Variants in AMDHD1 observed in about 807,000 individuals in gnomAD.
AMDHD1 encodes amidohydrolase domain containing 1, also known as probable imidazolonepropionase.
Under a neutral mutation model 44.1 loss-of-function variants are expected in AMDHD1, and 45 were observed. That is an observed-to-expected ratio of 1.02 (90% CI 0.80 to 1.31). The LOEUF is 1.31. Ranked by LOEUF, AMDHD1 falls within the 50% of genes most tolerant of loss-of-function variation. The pLI is 0.00. For missense variants in AMDHD1, 586 were observed against 552.1 expected (o/e 1.06, Z -0.61); for synonymous variants, 206 against 205.0 (o/e 1.00, Z -0.04).
chr12:95,967,138 T>G (rs1476134633), intron 8 of AMDHD1, among the ~76,000 whole-genome samples: 1 of 152,218 alleles, frequency 6.6e-6, no homozygotes, highest in Non-Finnish European at 1.5e-5. Flanking sequence ...ATGTCTTAAA[T>G]GGCAGCAGTC....
intron 1 of AMDHD1, among the ~76,000 whole-genome samples, chr12:95,947,728 C>T (rs2080503743): frequency 1.6e-5 from 1 of 64,388 alleles, no homozygotes; most frequent in Admixed American, 1.5e-4. Context: ...GGTCAGCCCC[C>T]CCACCCGGCC....
At position 95,966,446 on chromosome 12, in the gene AMDHD1, T is replaced by TCA. The variant is rs778433337; in HGVS notation, c.1139_1140dup (p.Gly381ThrfsTer23). On this transcript the variant is annotated frameshift_variant, in exon 8 of 9. Coordinates refer to ENST00000266736, the MANE Select transcript of AMDHD1 (RefSeq NM_152435.3). LOFTEE classifies it high-confidence loss of function. ...ATGCAGCTTATGCACTGGGAAAGTC[T>TCA]CACACACACGGATCGTTGGAAGTTG... 31 of 1,614,246 alleles carry TCA rather than the reference T, an allele frequency of 1.9e-5. No homozygotes were observed. The East Asian group carries it at 6.5e-4, about 34-fold the overall frequency.
chr12:95,967,881 T>C lies in AMDHD1; in HGVS notation c.*38T>C. ...GAGAAGACTTTTTGACTATATGAAA[T>C]AAGTCAATATAGTTATATTAAAAGT... is the stretch of plus-strand genomic sequence containing the variant. On this transcript the variant is annotated 3_prime_UTR_variant, in exon 9 of 9. Coordinates refer to ENST00000266736, the MANE Select transcript of AMDHD1 (RefSeq NM_152435.3). 1 of 1,290,730 alleles carries C rather than the reference T, an allele frequency of 7.7e-7. No homozygotes were observed. Among genetic ancestry groups the C allele is most frequent in the South Asian group, 1.4e-5 (1 of 73,906 alleles). 80.0% of individuals were successfully genotyped at this position (1,290,730 alleles called of 1,614,324 possible). A position where few individuals can be genotyped will look rare whatever the true frequency, so the allele number is the denominator to read the frequency against.
intron 1 of AMDHD1, among the ~76,000 whole-genome samples, chr12:95,950,979 T>C (rs1244532245): frequency 1.3e-5 from 2 of 152,222 alleles, no homozygotes; most frequent in East Asian, 1.9e-4. Context: ...TACATATATA[T>C]GGGGTACATG....
intron 5 of AMDHD1, among the ~76,000 whole-genome samples, chr12:95,961,694 T>C (rs1316541562): frequency 6.6e-6 from 1 of 152,240 alleles, no homozygotes; most frequent in African/African-American, 2.4e-5. Context: ...GACTGCTGCC[T>C]CTCCCTCACC....
At chr12:95,964,927 G>GAAAAAAAAAAA (rs2080601230) in intron 6 of AMDHD1, among the ~76,000 whole-genome samples, 1 of 9,696 alleles carries the variant, frequency 1.0e-4, no homozygotes, top group Non-Finnish European at 1.7e-4. Context: ...GATGTTTGAG[G>GAAAAAAAAAAA]CAAAAAAAAA....
At chr12:95,950,935 G>A (rs1283152349) in intron 1 of AMDHD1, among the ~76,000 whole-genome samples, 3 of 152,120 alleles carry the variant, frequency 2.0e-5, no homozygotes, top group Non-Finnish European at 2.9e-5. Context: ...TATATTTGAC[G>A]TTTAAAGTTT....
At chr12:95,951,665 C>A (rs2080526242) in intron 1 of AMDHD1, among the ~76,000 whole-genome samples, 1 of 152,138 alleles carries the variant, frequency 6.6e-6, no homozygotes, top group South Asian at 2.1e-4. Context: ...AACTTTCATA[C>A]TCTCCATAGT....
chr12:95,949,140 T>TAAAAAAAAAAAAAAAAAAATA (rs1170844527), intron 1 of AMDHD1, among the ~76,000 whole-genome samples: 3 of 4,444 alleles, frequency 6.8e-4, no homozygotes, highest in African/African-American at 1.8e-3. Flanking sequence ...AAAAATAAAT[T>TAAAAAAAAAAAAAAAAAAATA]AAAAAAAAAA....
At chr12:95,957,764 G>A (rs187050167) in intron 4 of AMDHD1, among the ~76,000 whole-genome samples, 2 of 152,168 alleles carry the variant, frequency 1.3e-5, no homozygotes, top group East Asian at 1.9e-4. Context: ...TATAAATTCC[G>A]TTTTTAGGCC....
chr12:95,967,907 TA>T lies in AMDHD1; in HGVS notation c.*68del, dbSNP rs2080620448. On this transcript the variant is annotated 3_prime_UTR_variant, in exon 9 of 9. Coordinates refer to ENST00000266736, the MANE Select transcript of AMDHD1 (RefSeq NM_152435.3). The stretch of plus-strand genomic sequence containing the variant: ...AAGTCAATATAGTTATATTAAAAGT[TA>T]AAACACCTTAATATTTACAAGAATT... The T allele has an allele frequency of 9.7e-7, 1 of 1,034,222 alleles. No individual in the cohort carries two copies. The highest frequency in any genetic ancestry group is 1.7e-5 in the African/African-American group (1 of 60,186). 64.1% of individuals were successfully genotyped at this position (1,034,222 alleles called of 1,614,324 possible).
chr12:95,961,423 T>C (rs1295989820), intron 5 of AMDHD1, among the ~76,000 whole-genome samples: 6 of 152,176 alleles, frequency 3.9e-5, no homozygotes, highest in African/African-American at 1.4e-4. Flanking sequence ...CCAGGCACTG[T>C]TTTAGGCATT....
intron 1 of AMDHD1, among the ~76,000 whole-genome samples, chr12:95,948,008 C>A (rs1373400525): frequency 4.6e-5 from 5 of 107,894 alleles, no homozygotes; most frequent in African/African-American, 1.9e-4. Flanking sequence ...GCCCCCCGCC[C>A]GGCCAGCCGC....
At chr12:95,967,656 G>T in intron 8 of AMDHD1, 100 bp from the exon 9 acceptor site, 12 of 918,708 alleles carry the variant, frequency 1.3e-5, no homozygotes, top group African/African-American at 1.7e-5. Context: ...GTAAATAAAT[G>T]TGTAGGGAAT....
chr12:95,962,520 A>G, intron 6 of AMDHD1, 41 bp downstream of exon 6: 1 of 1,566,946 alleles, frequency 6.4e-7, no homozygotes, highest in Non-Finnish European at 8.7e-7. Flanking sequence ...CTGCAAGTAC[A>G]AGCTGTGAAG....
At chr12:95,963,050 G>C (rs2080590675) in intron 6 of AMDHD1, among the ~76,000 whole-genome samples, 1 of 152,140 alleles carries the variant, frequency 6.6e-6, no homozygotes. Flanking sequence ...CTGTTGCTCT[G>C]ATTCTAACCA....
chr12:95,960,677 G>A (rs2043608), intron 5 of AMDHD1, 54 bp downstream of exon 5: 3 of 1,533,976 alleles, frequency 2.0e-6, no homozygotes, highest in Non-Finnish European at 2.7e-6. Context: ...GCACATTCAT[G>A]CTATGGGAAA....
intron 1 of AMDHD1, among the ~76,000 whole-genome samples, chr12:95,949,140 T>TTAA (rs2080514438): frequency 2.2e-4 from 1 of 4,456 alleles, no homozygotes; most frequent in African/African-American, 1.8e-3. Flanking sequence ...AAAAATAAAT[T>TTAA]AAAAAAAAAA....
intron 1 of AMDHD1, among the ~76,000 whole-genome samples, chr12:95,948,345 G>A: frequency 1.5e-5 from 1 of 65,632 alleles, no homozygotes; most frequent in Non-Finnish European, 2.8e-5. Context: ...CAGCCGCCCC[G>A]TCTGGGAGGG....
Sources: gnomAD v4.1 joint callset for allele counts (sites outside exome capture counted in the v4.1 genomes callset) on GRCh38, gnomAD v4.1.1 for gene constraint, MANE v1.5 for transcripts, NCBI Gene and HGNC (gene_info 2026-07-23, HGNC 2026-07-21) for gene names.